SLC4A4: variants seen among roughly 807,000 people sequenced by gnomAD.
The protein encoded by SLC4A4 is solute carrier family 4 member 4.
Under a neutral mutation model 111.5 loss-of-function variants are expected in SLC4A4, and 27 were observed. The observed-to-expected ratio is 0.24, with a 90% CI of 0.18 to 0.33. The LOEUF (loss-of-function observed/expected upper bound fraction) is 0.33, where lower values mean the gene tolerates loss of function less well. Among genes scored for constraint, SLC4A4 ranks in the 10% least tolerant of loss-of-function variants. The pLI is 1.00. For synonymous variants in SLC4A4, 443 were observed against 463.4 expected (o/e 0.96, Z 0.57); for missense variants, 909 against 1,315.5 (o/e 0.69, Z 4.78).
chr4:71,327,358 A>G (rs886971195), intron 3 of SLC4A4, among the ~76,000 whole-genome samples: 2 of 151,998 alleles, frequency 1.3e-5, no homozygotes, highest in Non-Finnish European at 2.9e-5. Flanking sequence ...TAATTCTTTT[A>G]AAAAATGAGA....
Position 71,552,564 on chromosome 4 carries a change from T to C in SLC4A4, c.2695-2576T>C, listed in dbSNP as rs537998024. Among the ~76,000 whole-genome samples, 11 of 152,046 alleles carry C rather than the reference T, an allele frequency of 7.2e-5. No individual in the cohort carries two copies. In the South Asian group the frequency reaches 2.3e-3, roughly 32 times the overall value. On this transcript the variant is annotated intron_variant, in intron 20 of 25. Coordinates refer to ENST00000264485, the MANE Select transcript of SLC4A4 (RefSeq NM_001098484.3). ...ATAAGTGAAAAAGAGTAGAACTGCA[T>C]TCACCAGAATTTGAAAAATTTGGTG... is the stretch of plus-strand genomic sequence containing the variant.
intron 7 of SLC4A4, among the ~76,000 whole-genome samples, chr4:71,405,795 C>T (rs988441325): frequency 1.7e-4 from 26 of 152,160 alleles, no homozygotes; most frequent in African/African-American, 6.0e-4. Flanking sequence ...ATCTCAGTAT[C>T]TAGCATTTGC....
intron 16 of SLC4A4, among the ~76,000 whole-genome samples, chr4:71,527,211 C>T (rs534083316): frequency 4.5e-4 from 68 of 151,986 alleles, no homozygotes; most frequent in South Asian, 4.2e-3. Flanking sequence ...ACTGAAGGGG[C>T]GCAAGTGCAG....
chr4:71,232,106 A>G (rs1219640454), intron 1 of SLC4A4, among the ~76,000 whole-genome samples: 5 of 152,070 alleles, frequency 3.3e-5, no homozygotes, highest in African/African-American at 1.2e-4. Flanking sequence ...TATATTTTCC[A>G]TTTGCCTCAC....
intron 2 of SLC4A4, among the ~76,000 whole-genome samples, chr4:71,180,604 C>A (rs1745256959): frequency 6.6e-6 from 1 of 152,300 alleles, no homozygotes; most frequent in South Asian, 2.1e-4. Flanking sequence ...AAAAAATGCT[C>A]ATCATCACTG....
intron 3 of SLC4A4, among the ~76,000 whole-genome samples, chr4:71,274,411 T>G (rs1032489261): frequency 2.0e-5 from 3 of 152,166 alleles, no homozygotes; most frequent in Non-Finnish European, 4.4e-5. Flanking sequence ...ATGTGCCATA[T>G]GAGATTTCCC....
intron 3 of SLC4A4, among the ~76,000 whole-genome samples, chr4:71,329,128 G>C (rs1306036058): frequency 6.6e-6 from 1 of 151,916 alleles, no homozygotes; most frequent in East Asian, 1.9e-4. Context: ...GCTCACTGTA[G>C]ATGTATGAGT....
intron 18 of SLC4A4, among the ~76,000 whole-genome samples, chr4:71,539,604 A>G (rs982070240): frequency 3.3e-5 from 5 of 152,170 alleles, no homozygotes; most frequent in African/African-American, 9.6e-5. Flanking sequence ...ATTCAAATAC[A>G]AAAACTTCTC....
chr4:71,156,412 T>C (rs1335416720), intron 2 of SLC4A4, among the ~76,000 whole-genome samples: 3 of 152,164 alleles, frequency 2.0e-5, no homozygotes, highest in Non-Finnish European at 4.4e-5. Flanking sequence ...TTTTGATAAG[T>C]TCTTATAGTT....
chr4:71,127,253 GGAGATGCCCATGCTAGC>G (rs763111538), intron 2 of SLC4A4, among the ~76,000 whole-genome samples: 110 of 152,280 alleles, frequency 7.2e-4, no homozygotes, highest in Middle Eastern at 6.8e-3. Flanking sequence ...ACATTCCAGG[GGAGATGCCCATGCTAGC>G]GAGGGGTCCT....
intron 1 of SLC4A4, among the ~76,000 whole-genome samples, chr4:71,193,564 T>C (rs1745851226): frequency 6.6e-6 from 1 of 152,228 alleles, no homozygotes; most frequent in African/African-American, 2.4e-5. Flanking sequence ...CCTACCAGCA[T>C]TGTGTGAGAG....
intron 2 of SLC4A4, among the ~76,000 whole-genome samples, chr4:71,158,923 T>C (rs1053888579): frequency 1.3e-5 from 2 of 152,202 alleles, no homozygotes; most frequent in African/African-American, 4.8e-5. Context: ...TATTTTCACC[T>C]GGGACACTTA....
chr4:71,145,042 G>A (rs1744124319), intron 2 of SLC4A4, among the ~76,000 whole-genome samples: 1 of 152,136 alleles, frequency 6.6e-6, no homozygotes, highest in African/African-American at 2.4e-5. Flanking sequence ...CAAAGGGAAT[G>A]CTTCGAGTTT....
At chr4:71,481,699 T>C (rs1039565801) in intron 14 of SLC4A4, among the ~76,000 whole-genome samples, 2 of 151,702 alleles carry the variant, frequency 1.3e-5, no homozygotes, top group Non-Finnish European at 3.0e-5. Context: ...TTGGAATAAA[T>C]AGGCTAAGAA....
intron 7 of SLC4A4, among the ~76,000 whole-genome samples, chr4:71,420,015 A>G (rs1722264287): frequency 6.6e-6 from 1 of 152,234 alleles, no homozygotes; most frequent in South Asian, 2.1e-4. Flanking sequence ...TTGAGAGAAG[A>G]AGGCTTCAGA....
intron 15 of SLC4A4, among the ~76,000 whole-genome samples, chr4:71,487,219 TA>T (rs1729493865): frequency 6.6e-6 from 1 of 151,554 alleles, no homozygotes; most frequent in African/African-American, 2.4e-5. Context: ...TTATTTGCCT[TA>T]AAAAAAGCTG....
At chr4:71,378,107 C>T (rs1435533064) in intron 6 of SLC4A4, among the ~76,000 whole-genome samples, 2 of 152,116 alleles carry the variant, frequency 1.3e-5, no homozygotes, top group Non-Finnish European at 2.9e-5. Flanking sequence ...GTACCTCCCA[C>T]AACACATGGG....
At chr4:71,510,705 TTAC>T in intron 16 of SLC4A4, among the ~76,000 whole-genome samples, 1 of 152,184 alleles carries the variant, frequency 6.6e-6, no homozygotes, top group Non-Finnish European at 1.5e-5. Context: ...TTTAACCCAT[TTAC>T]ATTCAAGGTA....
intron 2 of SLC4A4, among the ~76,000 whole-genome samples, chr4:71,137,535 T>C (rs936889856): frequency 6.6e-5 from 10 of 152,240 alleles, no homozygotes; most frequent in South Asian, 2.1e-4. Context: ...CCACCCTCTC[T>C]TTTAGAACTG....
Sources: gnomAD v4.1 joint callset for allele counts (sites outside exome capture counted in the v4.1 genomes callset) on GRCh38, gnomAD v4.1.1 for gene constraint, MANE v1.5 for transcripts, NCBI Gene and HGNC (gene_info 2026-07-23, HGNC 2026-07-21) for gene names.